NALF1: variants seen among roughly 807,000 people sequenced by gnomAD.
The protein encoded by NALF1 is NALCN channel auxiliary factor 1, also known as family with sequence similarity 155 member A.
Under a neutral mutation model 48.4 loss-of-function variants are expected in NALF1, and 3 were observed. That is an observed-to-expected ratio of 0.06 (90% CI 0.03 to 0.16). NALF1 has a LOEUF of 0.16. NALF1 is among the 10% of genes least tolerant of loss of function. The pLI, the probability that NALF1 is intolerant of heterozygous loss-of-function variation, is 1.00. For synonymous variants in NALF1, 262 were observed against 245.7 expected, an observed-to-expected ratio of 1.07 and a Z score of -0.62; for missense variants, 526 against 571.5, an observed-to-expected ratio of 0.92 and a Z score of 0.81.
intron 1 of NALF1, among the ~76,000 whole-genome samples, chr13:107,725,890 G>A (rs1333445495): frequency 6.6e-6 from 1 of 152,048 alleles, no homozygotes; most frequent in Non-Finnish European, 1.5e-5. Flanking sequence ...ATATTGCCGA[G>A]TATCCCAGGA....
At chr13:107,607,209 A>G (rs1185335025) in intron 1 of NALF1, among the ~76,000 whole-genome samples, 3 of 152,230 alleles carry the variant, frequency 2.0e-5, no homozygotes, top group Non-Finnish European at 4.4e-5. Flanking sequence ...TTGAACTTAT[A>G]AAGTAATTCT....
intron 1 of NALF1, among the ~76,000 whole-genome samples, chr13:107,572,929 G>A (rs1026227102): frequency 6.6e-6 from 1 of 151,912 alleles, no homozygotes; most frequent in East Asian, 1.9e-4. Flanking sequence ...GGGTAACATC[G>A]AAAGTGCTAC....
At chr13:107,203,932 G>T (rs1879576907) in intron 2 of NALF1, among the ~76,000 whole-genome samples, 1 of 152,190 alleles carries the variant, frequency 6.6e-6, no homozygotes, top group Admixed American at 6.5e-5. Context: ...ATGCCTGGAG[G>T]CAGAGGGGGG....
intron 1 of NALF1, among the ~76,000 whole-genome samples, chr13:107,220,623 G>A (rs1879972138): frequency 6.6e-6 from 1 of 152,126 alleles, no homozygotes; most frequent in South Asian, 2.1e-4. Context: ...AGAGGTGTAG[G>A]GCAGGTTAAA....
chr13:107,851,719 T>C (rs17448549), intron 1 of NALF1, among the ~76,000 whole-genome samples: 4,016 of 151,968 alleles, frequency 0.026, 58 homozygotes, highest in Admixed American at 0.04. Context: ...GTGGGACCGT[T>C]TGAAAAGGGA....
At chr13:107,420,618 T>C (rs1884169369) in intron 1 of NALF1, among the ~76,000 whole-genome samples, 1 of 152,154 alleles carries the variant, frequency 6.6e-6, no homozygotes, top group South Asian at 2.1e-4. Flanking sequence ...TGACCCTGTC[T>C]CTTTAGGATT....
chr13:107,775,132 C>G (rs1263725148), intron 1 of NALF1, among the ~76,000 whole-genome samples: 4 of 151,948 alleles, frequency 2.6e-5, no homozygotes, highest in Non-Finnish European at 4.4e-5. Context: ...GTATAAATGT[C>G]CCATGCTGGT....
chr13:107,292,011 G>T (rs1881630671), intron 1 of NALF1, among the ~76,000 whole-genome samples: 1 of 152,064 alleles, frequency 6.6e-6, no homozygotes, highest in South Asian at 2.1e-4. Flanking sequence ...CTTAACAATG[G>T]GGATATGTCC....
At chr13:107,713,000 G>T (rs1218852948) in intron 1 of NALF1, among the ~76,000 whole-genome samples, 6 of 152,148 alleles carry the variant, frequency 3.9e-5, no homozygotes, top group Non-Finnish European at 8.8e-5. Context: ...TGGGGAGCGA[G>T]CCCTTCTCCT....
At chr13:107,459,362 T>C (rs76582597) in intron 1 of NALF1, among the ~76,000 whole-genome samples, 2,885 of 151,166 alleles carry the variant, frequency 0.019, 103 homozygotes, top group African/African-American at 0.066. Context: ...AAATTGTAAA[T>C]TGATAAAAGC....
At chr13:107,861,085 C>A (rs1880556701) in intron 1 of NALF1, among the ~76,000 whole-genome samples, 1 of 152,070 alleles carries the variant, frequency 6.6e-6, no homozygotes, top group East Asian at 1.9e-4. Context: ...TGTTGGATAT[C>A]TTTCTATAAA....
intron 1 of NALF1, among the ~76,000 whole-genome samples, chr13:107,860,925 TAA>T (rs1191666755): frequency 1.3e-5 from 2 of 152,230 alleles, no homozygotes; most frequent in African/African-American, 4.8e-5. Context: ...CTTCATCTAA[TAA>T]AAGAGGTTAA....
intron 1 of NALF1, among the ~76,000 whole-genome samples, chr13:107,608,403 G>A (rs1879130524): frequency 1.3e-5 from 2 of 152,168 alleles, no homozygotes; most frequent in Non-Finnish European, 2.9e-5. Context: ...GAGGAGAAAT[G>A]AACTGAGCCT....
At chr13:107,637,621 T>C (rs151146251) in intron 1 of NALF1, among the ~76,000 whole-genome samples, 10 of 152,280 alleles carry the variant, frequency 6.6e-5, no homozygotes, top group Admixed American at 2.6e-4. Flanking sequence ...TGCCACGTGC[T>C]AGTGTGTCCA....
chr13:107,697,657 T>C (rs1489206541), intron 1 of NALF1, among the ~76,000 whole-genome samples: 2 of 152,154 alleles, frequency 1.3e-5, no homozygotes, highest in East Asian at 3.9e-4. Context: ...AAAATGCTTA[T>C]CAAGAAAGAA....
At chr13:107,383,556 T>C (rs1883476315) in intron 1 of NALF1, among the ~76,000 whole-genome samples, 1 of 152,218 alleles carries the variant, frequency 6.6e-6, no homozygotes, top group South Asian at 2.1e-4. Flanking sequence ...AGTTCATTAT[T>C]CTTACGAGGA....
chr13:107,293,779 T>C (rs1881675652), intron 1 of NALF1, among the ~76,000 whole-genome samples: 1 of 152,248 alleles, frequency 6.6e-6, no homozygotes, highest in Non-Finnish European at 1.5e-5. Flanking sequence ...TACCTTCCAT[T>C]GTTTTGAGCT....
chr13:107,234,284 G>C (rs1880290927), intron 1 of NALF1, among the ~76,000 whole-genome samples: 1 of 152,164 alleles, frequency 6.6e-6, no homozygotes. Flanking sequence ...ACTTTCCCCG[G>C]GGCTTAGGTG....
At chr13:107,434,473 G>A (rs1884432505) in intron 1 of NALF1, among the ~76,000 whole-genome samples, 1 of 152,146 alleles carries the variant, frequency 6.6e-6, no homozygotes, top group African/African-American at 2.4e-5. Flanking sequence ...TGAGGTTATT[G>A]GTTTAGATTT....
Sources: allele counts gnomAD v4.1 joint callset (sites outside exome capture counted in the v4.1 genomes callset), GRCh38; gene constraint gnomAD v4.1.1; transcripts MANE v1.5; gene names NCBI Gene and HGNC (gene_info 2026-07-23, HGNC 2026-07-21).